The following MGLL variants were observed in gnomAD, a reference collection of about 807,000 sequenced individuals.
MGLL encodes the protein lysophospholipase homolog.
In MGLL, 7 loss-of-function variants were observed where a neutral mutation model predicts 29.1. That is an observed-to-expected ratio of 0.24 (90% CI 0.14 to 0.45). MGLL has a LOEUF of 0.45. Ranked by LOEUF, MGLL falls within the 20% of genes least tolerant of loss-of-function variation. The pLI is 0.99. For synonymous variants in MGLL, 148 were observed against 168.3 expected (o/e 0.88, Z 0.93); for missense variants, 356 against 413.6 (o/e 0.86, Z 1.21).
chr3:127,777,923 G>T (rs1404003415), intron 3 of MGLL, among the ~76,000 whole-genome samples: 1 of 152,230 alleles, frequency 6.6e-6, no homozygotes, highest in African/African-American at 2.4e-5. Flanking sequence ...AATTTTCACT[G>T]CTGGCAAGCC....
At chr3:127,797,293 G>A (rs1258825924) in intron 2 of MGLL, among the ~76,000 whole-genome samples, 1 of 151,970 alleles carries the variant, frequency 6.6e-6, no homozygotes, top group South Asian at 2.1e-4. Context: ...CCTGGGCAAA[G>A]CTGAGAATCC....
At chr3:127,700,964 CA>C (rs2075468205) in intron 6 of MGLL, among the ~76,000 whole-genome samples, 1 of 151,964 alleles carries the variant, frequency 6.6e-6, no homozygotes, top group African/African-American at 2.4e-5. Context: ...CCTGTAATCC[CA>C]GCACTTTGGG....
At chr3:127,802,951 CTG>C (rs1456081717) in intron 2 of MGLL, among the ~76,000 whole-genome samples, 2 of 151,998 alleles carry the variant, frequency 1.3e-5, no homozygotes, top group Non-Finnish European at 2.9e-5. Context: ...GCTTGGAGCA[CTG>C]TCTTTCAAGC....
At chr3:127,770,285 G>C (rs1010642291) in intron 3 of MGLL, among the ~76,000 whole-genome samples, 3 of 152,118 alleles carry the variant, frequency 2.0e-5, no homozygotes, top group Non-Finnish European at 2.9e-5. Context: ...GCCTCCCACA[G>C]TGCTGGGATT....
At position 127,690,436 on chromosome 3, in the gene MGLL, C is replaced by T. The variant is rs1292440820; in HGVS notation, c.*1762G>A. 4 of 152,396 alleles carry T rather than the reference C, an allele frequency of 2.6e-5. No individual in the cohort carries two copies. The East Asian group carries it at 7.7e-4, about 29-fold the overall frequency. 9.4% of individuals were successfully genotyped at this position (152,396 alleles called of 1,614,324 possible). A position where few individuals can be genotyped will look rare whatever the true frequency, so the allele number is the denominator to read the frequency against. On this transcript the variant is annotated 3_prime_UTR_variant, in exon 8 of 8. Coordinates refer to ENST00000265052, the MANE Select transcript of MGLL (RefSeq NM_007283.7). ...GTGATCTTCAGCAGGGTGACCCGTT[C>T]CTGGCTCTCATGGTGTGATCAGGGC...
intron 3 of MGLL, among the ~76,000 whole-genome samples, chr3:127,737,003 G>C (rs1209623527): frequency 6.6e-6 from 1 of 152,078 alleles, no homozygotes; most frequent in African/African-American, 2.4e-5. Flanking sequence ...CCCTCCTCTT[G>C]TTTAATAATA....
At chr3:127,729,525 G>A (rs1458221049) in intron 3 of MGLL, among the ~76,000 whole-genome samples, 1 of 152,000 alleles carries the variant, frequency 6.6e-6, no homozygotes, top group Non-Finnish European at 1.5e-5. Context: ...ATTTTAAAGT[G>A]TACCGATTTA....
chr3:127,749,206 T>A (rs182841604), intron 3 of MGLL, among the ~76,000 whole-genome samples: 1 of 152,366 alleles, frequency 6.6e-6, no homozygotes, highest in East Asian at 1.9e-4. Flanking sequence ...ACTCTCCATG[T>A]ATTCATTCAA....
intron 2 of MGLL, among the ~76,000 whole-genome samples, chr3:127,810,281 C>A (rs1373100214): frequency 6.6e-6 from 1 of 151,758 alleles, no homozygotes; most frequent in Non-Finnish European, 1.5e-5. Context: ...TTGAAGACCC[C>A]CAGTCTGTGG....
At chr3:127,807,454 T>G (rs574954517) in intron 2 of MGLL, among the ~76,000 whole-genome samples, 2 of 152,094 alleles carry the variant, frequency 1.3e-5, no homozygotes, top group African/African-American at 4.8e-5. Flanking sequence ...GTTTTCCTAT[T>G]CTTTATTTCA....
chr3:127,774,335 C>T (rs1489549224), intron 3 of MGLL, among the ~76,000 whole-genome samples: 2 of 152,240 alleles, frequency 1.3e-5, no homozygotes, highest in East Asian at 1.9e-4. Context: ...GCAGAGGGAG[C>T]CCCTCTCCCT....
At chr3:127,738,588 G>T (rs748938313) in intron 3 of MGLL, among the ~76,000 whole-genome samples, 3 of 152,170 alleles carry the variant, frequency 2.0e-5, no homozygotes, top group Non-Finnish European at 2.9e-5. Flanking sequence ...CTGCAGCCTG[G>T]GTCCCACTCC....
At chr3:127,799,683 G>A (rs1026405908) in intron 2 of MGLL, among the ~76,000 whole-genome samples, 1 of 152,176 alleles carries the variant, frequency 6.6e-6, no homozygotes, top group Non-Finnish European at 1.5e-5. Flanking sequence ...TGTGCCTCAG[G>A]AAGAGACAGT....
At chr3:127,796,664 A>G (rs1269650924) in intron 2 of MGLL, among the ~76,000 whole-genome samples, 1 of 152,214 alleles carries the variant, frequency 6.6e-6, no homozygotes, top group Non-Finnish European at 1.5e-5. Context: ...ACTGCAGCCA[A>G]CGGTGCCCTA....
chr3:127,720,650 T>G (rs1489226590), intron 5 of MGLL, among the ~76,000 whole-genome samples: 1 of 152,260 alleles, frequency 6.6e-6, no homozygotes, highest in East Asian at 1.9e-4. Flanking sequence ...GACTCCATAC[T>G]GCATGCAGTT....
chr3:127,783,143 C>CAA (rs72041528), intron 2 of MGLL, among the ~76,000 whole-genome samples: 7,815 of 63,086 alleles, frequency 0.12, 1,268 homozygotes, highest in South Asian at 0.27. Context: ...GACTCTGTCT[C>CAA]AAAAAAAAAA....
chr3:127,766,772 T>TA (rs1245693120), intron 3 of MGLL, among the ~76,000 whole-genome samples: 2 of 152,162 alleles, frequency 1.3e-5, no homozygotes, highest in Non-Finnish European at 2.9e-5. Context: ...TTTACCTCTT[T>TA]AAAAAACACT....
At chr3:127,713,372 C>A (rs1203252064) in intron 5 of MGLL, 1 of 148,338 alleles carries the variant, frequency 6.7e-6, no homozygotes, top group African/African-American at 2.5e-5. Flanking sequence ...CACTCAGGAA[C>A]CGCAGGAAGG....
chr3:127,701,215 CA>C (rs60128956), intron 6 of MGLL, among the ~76,000 whole-genome samples: 109 of 56,432 alleles, frequency 1.9e-3, no homozygotes, highest in Admixed American at 3.3e-3. Flanking sequence ...ACCCTGCCTC[CA>C]AAAAAAAAAA....
Sources: gnomAD v4.1 joint callset for allele counts (sites outside exome capture counted in the v4.1 genomes callset) on GRCh38, gnomAD v4.1.1 for gene constraint, MANE v1.5 for transcripts, NCBI Gene and HGNC (gene_info 2026-07-23, HGNC 2026-07-21) for gene names.